The following ELP4 variants were observed in gnomAD, a reference collection of about 807,000 sequenced individuals.
ELP4 encodes elongator complex protein 4.
Under a neutral mutation model 48.9 loss-of-function variants are expected in ELP4, and 51 were observed. The ratio of observed to expected loss-of-function variants is 1.04; its 90% CI spans 0.83 to 1.32. ELP4 has a LOEUF of 1.32. Among genes scored for constraint, ELP4 ranks in the 40% most tolerant of loss-of-function variants. The pLI, the probability that ELP4 is intolerant of heterozygous loss-of-function variation, is 0.00. For synonymous variants in ELP4, 210 were observed against 189.2 expected (o/e 1.11, Z -0.90); for missense variants, 519 against 514.6 (o/e 1.01, Z -0.08).
At chr11:31,777,174 ATT>A (rs58039300) in intron 9 of ELP4, among the ~76,000 whole-genome samples, 1,509 of 150,156 alleles carry the variant, frequency 0.01, 19 homozygotes, top group African/African-American at 0.035. Flanking sequence ...TATAACATTG[ATT>A]TTTTTTTTGC....
intron 9 of ELP4, among the ~76,000 whole-genome samples, chr11:31,706,581 AATGAT>A (rs1946639376): frequency 6.8e-6 from 1 of 147,990 alleles, no homozygotes; most frequent in East Asian, 1.9e-4. Flanking sequence ...ATTAATAATT[AATGAT>A]ATATTTAATT....
At chr11:31,572,999 C>T (rs1957212488) in intron 3 of ELP4, among the ~76,000 whole-genome samples, 1 of 152,028 alleles carries the variant, frequency 6.6e-6, no homozygotes, top group African/African-American at 2.4e-5. Flanking sequence ...CAAAGCAAGA[C>T]TCTGTCTCAA....
At chr11:31,630,970 GA>G (rs1298767013) in intron 6 of ELP4, among the ~76,000 whole-genome samples, 4 of 151,880 alleles carry the variant, frequency 2.6e-5, no homozygotes, top group Non-Finnish European at 5.9e-5. Flanking sequence ...GAAAGAAAGA[GA>G]AAACAAAGTC....
At chr11:31,741,824 T>C (rs192900615) in intron 9 of ELP4, among the ~76,000 whole-genome samples, 166 of 152,192 alleles carry the variant, frequency 1.1e-3, no homozygotes, top group African/African-American at 3.9e-3. Flanking sequence ...CTGGAAACTC[T>C]AAAAATCACA....
At chr11:31,703,511 G>A (rs769427471) in intron 9 of ELP4, among the ~76,000 whole-genome samples, 6 of 152,112 alleles carry the variant, frequency 3.9e-5, no homozygotes, top group Non-Finnish European at 5.9e-5. Flanking sequence ...ATTTGAAGCA[G>A]TTACCTAATT....
At chr11:31,601,392 G>T (rs1234821706) in intron 4 of ELP4, among the ~76,000 whole-genome samples, 1 of 151,926 alleles carries the variant, frequency 6.6e-6, no homozygotes, top group Non-Finnish European at 1.5e-5. Flanking sequence ...GCTACCTTAT[G>T]AATATTTTAG....
intron 3 of ELP4, among the ~76,000 whole-genome samples, chr11:31,587,108 G>T: frequency 6.6e-6 from 1 of 151,930 alleles, no homozygotes; most frequent in Admixed American, 6.6e-5. Context: ...AGTTCCTATC[G>T]CTGCCCTTCT....
intron 3 of ELP4, among the ~76,000 whole-genome samples, chr11:31,544,781 G>A (rs1466281124): frequency 6.6e-6 from 1 of 152,150 alleles, no homozygotes; most frequent in Admixed American, 6.5e-5. Flanking sequence ...ACCTCACACG[G>A]CCGGGTACTC....
intron 5 of ELP4, among the ~76,000 whole-genome samples, chr11:31,621,681 A>G (rs1944624489): frequency 6.6e-6 from 1 of 151,860 alleles, no homozygotes; most frequent in African/African-American, 2.4e-5. Flanking sequence ...ATCGTGTACC[A>G]AGTACATTGT....
intron 9 of ELP4, among the ~76,000 whole-genome samples, chr11:31,656,556 G>T (rs1381628121): frequency 6.6e-6 from 1 of 151,822 alleles, no homozygotes; most frequent in Non-Finnish European, 1.5e-5. Flanking sequence ...TTTATAAATT[G>T]AACTTAGGGT....
At chr11:31,554,396 T>A (rs1034248986) in intron 3 of ELP4, among the ~76,000 whole-genome samples, 3 of 151,916 alleles carry the variant, frequency 2.0e-5, no homozygotes, top group Admixed American at 6.6e-5. Flanking sequence ...TCTTCCATCC[T>A]CTTCCCCAGC....
At chr11:31,673,364 T>C (rs925155207) in intron 9 of ELP4, among the ~76,000 whole-genome samples, 7 of 152,090 alleles carry the variant, frequency 4.6e-5, no homozygotes, top group African/African-American at 1.4e-4. Flanking sequence ...AGTGTCTTGC[T>C]CTGTCACCCA....
intron 9 of ELP4, among the ~76,000 whole-genome samples, chr11:31,755,661 A>C (rs941304431): frequency 4.8e-4 from 73 of 151,424 alleles, no homozygotes; most frequent in Non-Finnish European, 1.5e-4. Flanking sequence ...GGAAAAATTG[A>C]GGAATTGTTA....
chr11:31,690,037 TA>T (rs1946243923), intron 9 of ELP4, among the ~76,000 whole-genome samples: 1 of 152,164 alleles, frequency 6.6e-6, no homozygotes, highest in South Asian at 2.1e-4. Context: ...GAAAAGGAAA[TA>T]ACATGTGTTT....
At chr11:31,549,904 C>T (rs182185206) in intron 3 of ELP4, among the ~76,000 whole-genome samples, 25 of 152,180 alleles carry the variant, frequency 1.6e-4, no homozygotes, top group Admixed American at 2.6e-4. Flanking sequence ...CCAAACACCA[C>T]ACTTTATCAC....
chr11:31,754,873 A>G (rs1042511866), intron 9 of ELP4, among the ~76,000 whole-genome samples: 2 of 152,184 alleles, frequency 1.3e-5, no homozygotes, highest in African/African-American at 2.4e-5. Context: ...CTCTATGTCA[A>G]AAATAAATCC....
chr11:31,598,651 G>A (rs1419477600), intron 4 of ELP4, among the ~76,000 whole-genome samples: 2 of 151,600 alleles, frequency 1.3e-5, no homozygotes, highest in East Asian at 2.0e-4. Context: ...GACCACAAGT[G>A]CATGCCACAG....
At chr11:31,682,169 G>C (rs577837562) in intron 9 of ELP4, 3 of 1,019,078 alleles carry the variant, frequency 2.9e-6, no homozygotes, top group Admixed American at 4.4e-5. Context: ...ACAAATCTAA[G>C]AGAGATTTAA....
At chr11:31,686,743 C>T (rs1357116238) in intron 9 of ELP4, among the ~76,000 whole-genome samples, 3 of 151,932 alleles carry the variant, frequency 2.0e-5, no homozygotes, top group Non-Finnish European at 4.4e-5. Flanking sequence ...GGTGGCGACA[C>T]TTGTGGTCCC....
Sources: gnomAD v4.1 joint callset for allele counts (sites outside exome capture counted in the v4.1 genomes callset) on GRCh38, gnomAD v4.1.1 for gene constraint, MANE v1.5 for transcripts, NCBI Gene and HGNC (gene_info 2026-07-23, HGNC 2026-07-21) for gene names.